Variants in RYR3 observed in about 807,000 individuals in gnomAD.
The protein encoded by RYR3 is ryanodine receptor 3.
A neutral mutation model predicts 584.3 loss-of-function variants in RYR3; 207 were observed. That is an observed-to-expected ratio of 0.35 (90% CI 0.32 to 0.40). RYR3 has a LOEUF of 0.40. RYR3 is among the 10% of genes least tolerant of loss of function. The probability of loss-of-function intolerance (pLI) is 1.00; values close to 1 mark genes in which losing one functional copy is unlikely to be tolerated. For missense variants in RYR3, 5,616 were observed against 6,089.2 expected (o/e 0.92, Z 2.59); for synonymous variants, 2,416 against 2,248.5 (o/e 1.07, Z -2.11).
chr15:33,347,612 A>T (rs1223490530), intron 1 of RYR3, among the ~76,000 whole-genome samples: 2 of 151,884 alleles, frequency 1.3e-5, no homozygotes, highest in African/African-American at 4.8e-5. Context: ...ATGCCTGGCT[A>T]ATTTTTTGTA....
intron 60 of RYR3, among the ~76,000 whole-genome samples, chr15:33,762,873 C>T (rs951187574): frequency 3.3e-5 from 5 of 152,196 alleles, no homozygotes; most frequent in African/African-American, 1.2e-4. Context: ...CACTATGCTA[C>T]AAGGCTACAG....
chr15:33,597,038 G>C (rs1395677115), intron 16 of RYR3, among the ~76,000 whole-genome samples: 2 of 152,114 alleles, frequency 1.3e-5, no homozygotes, highest in African/African-American at 4.8e-5. Flanking sequence ...AAAGCCACCG[G>C]ATTAGAAGTT....
intron 3 of RYR3, among the ~76,000 whole-genome samples, chr15:33,526,019 T>TC: frequency 6.6e-6 from 1 of 152,328 alleles, no homozygotes; most frequent in South Asian, 2.1e-4. Context: ...CAAGGAGCCT[T>TC]CCTGAGGCCT....
At chr15:33,340,274 G>C (rs1265897056) in intron 1 of RYR3, among the ~76,000 whole-genome samples, 2 of 152,208 alleles carry the variant, frequency 1.3e-5, no homozygotes, top group South Asian at 2.1e-4. Context: ...CCTGTGCAGA[G>C]GGTCAGGGGC....
At chr15:33,830,731 G>C (rs1195328992) in intron 85 of RYR3, 8 of 374,144 alleles carry the variant, frequency 2.1e-5, no homozygotes, top group Non-Finnish European at 3.8e-5. Context: ...TAGTCTCCAA[G>C]TTCCAGCTGA....
At chr15:33,423,392 A>C (rs1238779778) in intron 1 of RYR3, among the ~76,000 whole-genome samples, 1 of 152,174 alleles carries the variant, frequency 6.6e-6, no homozygotes, top group African/African-American at 2.4e-5. Context: ...TATTTTGTTT[A>C]TCCATTTATC....
chr15:33,858,137 C>T, intron 99 of RYR3: 1 of 590,048 alleles, frequency 1.7e-6, no homozygotes, highest in Admixed American at 3.1e-5. Flanking sequence ...CACATCTAAG[C>T]CCCGTGGAAA....
chr15:33,489,572 T>C (rs2050793849), intron 2 of RYR3, among the ~76,000 whole-genome samples: 1 of 150,024 alleles, frequency 6.7e-6, no homozygotes, highest in East Asian at 2.0e-4. Flanking sequence ...TATTCCATGG[T>C]GTATGAGTAC....
At chr15:33,805,723 CG>C (rs1832271870) in intron 69 of RYR3, among the ~76,000 whole-genome samples, 1 of 151,322 alleles carries the variant, frequency 6.6e-6, no homozygotes, top group African/African-American at 2.4e-5. Flanking sequence ...ATGATCCGCC[CG>C]CCTCGGCCTC....
intron 1 of RYR3, among the ~76,000 whole-genome samples, chr15:33,420,135 T>C (rs886829096): frequency 2.0e-5 from 3 of 152,220 alleles, no homozygotes; most frequent in Non-Finnish European, 2.9e-5. Flanking sequence ...ATTCTTAATG[T>C]GTTACCATAA....
chr15:33,707,101 T>C, intron 43 of RYR3, 47 bp downstream of exon 43: 1 of 1,603,420 alleles, frequency 6.2e-7, no homozygotes, highest in East Asian at 2.2e-5. Flanking sequence ...AATAGCATGA[T>C]CGTGGATACC....
intron 93 of RYR3, among the ~76,000 whole-genome samples, chr15:33,845,629 GCC>G (rs2078676715): frequency 1.3e-5 from 2 of 152,164 alleles, no homozygotes; most frequent in African/African-American, 4.8e-5. Context: ...AGTTTGAGAA[GCC>G]TTGAGCTAGG....
chr15:33,435,247 T>C (rs1455624476), intron 1 of RYR3, among the ~76,000 whole-genome samples: 1 of 152,198 alleles, frequency 6.6e-6, no homozygotes, highest in Non-Finnish European at 1.5e-5. Flanking sequence ...ATTAGTTATT[T>C]TTCCTGATTC....
Position 33,584,486 on chromosome 15 carries a change from C to T in RYR3, c.1665C>T (p.Ser555=), listed in dbSNP as rs760481756. ...GTAAATTGGACAGACTAGAATCTTC[C>T]TCAGGTGAGAATTGACAGGAAACTA... The part of the protein sequence containing the change: ...LISKLDRLES[S]SGILEVLHCI... Residue 555 remains serine, a synonymous_variant, in exon 15 of 104, where the codon TCC becomes TCT. Transcript: ENST00000634891. The T allele has an allele frequency of 3.4e-6, 5 of 1,485,792 alleles. No individual in the cohort carries two copies. In the South Asian group the frequency reaches 4.7e-5, roughly 14 times the overall value. 92.0% of individuals were successfully genotyped at this position (1,485,792 alleles called of 1,614,324 possible).
At chr15:33,863,544 G>A (rs889856005) in intron 102 of RYR3, among the ~76,000 whole-genome samples, 2 of 152,324 alleles carry the variant, frequency 1.3e-5, no homozygotes, top group Non-Finnish European at 2.9e-5. Flanking sequence ...TGAGCTGAGA[G>A]TTCAGCCCCT....
Position 33,629,987 on chromosome 15 carries a change from A to G in RYR3, c.2727A>G (p.Ser909=), listed in dbSNP as rs768239400. 2 of 1,607,950 alleles carry G rather than the reference A, an allele frequency of 1.2e-6. No homozygotes were observed. The highest frequency in any genetic ancestry group is 1.1e-5 in the South Asian group (1 of 89,028). The change falls in exon 22 of 104, where the codon TCA becomes TCG. Residue 909 remains serine, a synonymous_variant. Transcript: ENST00000634891. ...KRQHPCLVEF[S]KLPETEKNYN... ...AACACCCTTGCCTTGTGGAGTTTTCAAAGCTCCCAGAAACTGAGAAGAACT... is the reference window on the plus strand; with the variant it reads ...AACACCCTTGCCTTGTGGAGTTTTCGAAGCTCCCAGAAACTGAGAAGAACT...
At chr15:33,451,135 A>T (rs1018397971) in intron 1 of RYR3, among the ~76,000 whole-genome samples, 2 of 152,200 alleles carry the variant, frequency 1.3e-5, no homozygotes, top group Non-Finnish European at 2.9e-5. Flanking sequence ...TAAAATGCAA[A>T]TGAGATCATT....
intron 67 of RYR3, among the ~76,000 whole-genome samples, chr15:33,795,448 G>A (rs1359399442): frequency 7.3e-6 from 1 of 137,380 alleles, no homozygotes; most frequent in Non-Finnish European, 1.5e-5. Context: ...AGGCTAGAGT[G>A]CAGTGGCATG....
At chr15:33,583,434 C>G (rs1051652680) in intron 14 of RYR3, among the ~76,000 whole-genome samples, 1 of 152,076 alleles carries the variant, frequency 6.6e-6, no homozygotes, top group African/African-American at 2.4e-5. Context: ...ATATTAAATT[C>G]TTGCTTATCA....
Sources: gnomAD v4.1 joint callset for allele counts (sites outside exome capture counted in the v4.1 genomes callset) on GRCh38, gnomAD v4.1.1 for gene constraint, MANE v1.5 for transcripts, NCBI Gene and HGNC (gene_info 2026-07-23, HGNC 2026-07-21) for gene names.